The following DIS3L2 variants were observed in gnomAD, a reference collection of about 807,000 sequenced individuals.
DIS3L2 encodes the protein DIS3-like exonuclease 2.
In DIS3L2, 34 loss-of-function variants were observed where a neutral mutation model predicts 97.5. The observed-to-expected ratio is 0.35, with a 90% CI of 0.27 to 0.46. DIS3L2 has a LOEUF of 0.46. Among genes scored for constraint, DIS3L2 ranks in the 20% least tolerant of loss-of-function variants. The probability of loss-of-function intolerance (pLI) is 1.00; values close to 1 mark genes in which losing one functional copy is unlikely to be tolerated. For missense variants in DIS3L2, 1,038 were observed against 1,146.0 expected, an observed-to-expected ratio of 0.91 and a Z score of 1.36; for synonymous variants, 435 against 445.2, an observed-to-expected ratio of 0.98 and a Z score of 0.29.
At chr2:232,226,326 T>G (rs1692646680) in intron 10 of DIS3L2, among the ~76,000 whole-genome samples, 1 of 152,218 alleles carries the variant, frequency 6.6e-6, no homozygotes, top group African/African-American at 2.4e-5. Context: ...ACATTGTTAC[T>G]GGAGTCAGAC....
intron 1 of DIS3L2, among the ~76,000 whole-genome samples, chr2:231,998,001 T>A (rs1430567723): frequency 6.6e-6 from 1 of 152,234 alleles, no homozygotes; most frequent in Non-Finnish European, 1.5e-5. Context: ...GTCTTTAGTC[T>A]CCTTTAATTT....
chr2:232,250,237 G>T (rs984134693), intron 12 of DIS3L2, among the ~76,000 whole-genome samples: 2 of 152,120 alleles, frequency 1.3e-5, no homozygotes, highest in African/African-American at 2.4e-5. Flanking sequence ...AGTAAAAAAA[G>T]ATATTTAATT....
intron 10 of DIS3L2, among the ~76,000 whole-genome samples, chr2:232,210,990 A>T (rs1692173522): frequency 6.6e-6 from 1 of 152,104 alleles, no homozygotes. Context: ...GTTACTGAGC[A>T]GGTAAAAGTG....
At chr2:232,278,375 G>A (rs1476862113) in intron 13 of DIS3L2, among the ~76,000 whole-genome samples, 2 of 152,030 alleles carry the variant, frequency 1.3e-5, no homozygotes, top group Non-Finnish European at 2.9e-5. Flanking sequence ...AGTTCTGCAA[G>A]CTACACGTAT....
At chr2:232,038,975 A>G (rs1197743882) in intron 5 of DIS3L2, among the ~76,000 whole-genome samples, 1 of 152,206 alleles carries the variant, frequency 6.6e-6, no homozygotes, top group Non-Finnish European at 1.5e-5. Context: ...ACTAGCTCCT[A>G]CAGAGGGGCT....
At chr2:232,317,553 C>T (rs1348818208) in intron 14 of DIS3L2, among the ~76,000 whole-genome samples, 1 of 152,154 alleles carries the variant, frequency 6.6e-6, no homozygotes, top group Admixed American at 6.5e-5. Context: ...TCATGTGCCT[C>T]AGCCTCCCGG....
At chr2:232,282,348 C>A (rs947232347) in intron 13 of DIS3L2, among the ~76,000 whole-genome samples, 1 of 152,136 alleles carries the variant, frequency 6.6e-6, no homozygotes, top group Non-Finnish European at 1.5e-5. Flanking sequence ...CATCCCACCC[C>A]TGCTGGTGCC....
chr2:232,199,533 G>A (rs547411497), intron 9 of DIS3L2, among the ~76,000 whole-genome samples: 1 of 152,290 alleles, frequency 6.6e-6, no homozygotes, highest in African/African-American at 2.4e-5. Context: ...ATTTGGAGTA[G>A]GGTAACCTTC....
intron 12 of DIS3L2, among the ~76,000 whole-genome samples, chr2:232,256,677 G>A (rs1215799309): frequency 6.6e-6 from 1 of 152,298 alleles, no homozygotes; most frequent in East Asian, 1.9e-4. Context: ...AGAGAGGCTA[G>A]CCAACTTCAA....
intron 14 of DIS3L2, among the ~76,000 whole-genome samples, chr2:232,300,840 G>C (rs1236512955): frequency 6.6e-6 from 1 of 151,982 alleles, no homozygotes; most frequent in African/African-American, 2.4e-5. Flanking sequence ...TTTTAGTACA[G>C]ACAGGGTCTC....
At chr2:232,316,355 C>T (rs140955123) in intron 14 of DIS3L2, among the ~76,000 whole-genome samples, 8 of 152,150 alleles carry the variant, frequency 5.3e-5, no homozygotes, top group Non-Finnish European at 1.0e-4. Flanking sequence ...CAGTGTCATT[C>T]GCCTCCACAC....
intron 10 of DIS3L2, among the ~76,000 whole-genome samples, chr2:232,224,457 G>A (rs1015060031): frequency 5.9e-5 from 9 of 152,138 alleles, no homozygotes; most frequent in South Asian, 2.1e-4. Context: ...TTTTTTAAGT[G>A]GAGCACAAAA....
chr2:232,195,663 G>C (rs1197726975), intron 9 of DIS3L2, among the ~76,000 whole-genome samples: 1 of 151,990 alleles, frequency 6.6e-6, no homozygotes, highest in Non-Finnish European at 1.5e-5. Flanking sequence ...TGTTGCCTAG[G>C]CTGGTCTGGA....
intron 5 of DIS3L2, among the ~76,000 whole-genome samples, chr2:232,044,938 T>G (rs1640809215): frequency 6.6e-6 from 1 of 151,854 alleles, no homozygotes; most frequent in Non-Finnish European, 1.5e-5. Context: ...ACAAGTAGAG[T>G]TGTTATTTAT....
At chr2:232,214,660 GCTATCAGGGCCTACTCT>G (rs1243567783) in intron 10 of DIS3L2, among the ~76,000 whole-genome samples, 2 of 152,114 alleles carry the variant, frequency 1.3e-5, no homozygotes, top group Non-Finnish European at 2.9e-5. Flanking sequence ...CGCCTCCCTG[GCTATCAGGGCCTACTCT>G]CTCCTTGCCA....
chr2:232,329,787 C>CCCGGGGGCCG, intron 14 of DIS3L2, 26 bp from the exon 15 acceptor site: 1 of 1,062,210 alleles, frequency 9.4e-7, no homozygotes, highest in Non-Finnish European at 1.3e-6. Flanking sequence ...CCCAGCGGTC[C>CCCGGGGGCCG]CTCCCATCCC....
intron 12 of DIS3L2, chr2:232,260,594 G>A (rs1021397429): frequency 2.6e-5 from 4 of 152,224 alleles, no homozygotes; most frequent in African/African-American, 9.6e-5. Context: ...GAATAATATG[G>A]AAAGAATAGT....
intron 9 of DIS3L2, among the ~76,000 whole-genome samples, chr2:232,165,845 A>T (rs1690789448): frequency 6.6e-6 from 1 of 152,148 alleles, no homozygotes; most frequent in South Asian, 2.1e-4. Flanking sequence ...TTTTTAAAGT[A>T]ACTTGTATAA....
chr2:232,104,636 T>C (rs1257001460), intron 6 of DIS3L2, among the ~76,000 whole-genome samples: 2 of 152,176 alleles, frequency 1.3e-5, no homozygotes, highest in Non-Finnish European at 2.9e-5. Context: ...ATTTTCCTAT[T>C]CTAGAGATTT....
Sources: gnomAD v4.1 joint callset for allele counts (sites outside exome capture counted in the v4.1 genomes callset) on GRCh38, gnomAD v4.1.1 for gene constraint, MANE v1.5 for transcripts, NCBI Gene and HGNC (gene_info 2026-07-23, HGNC 2026-07-21) for gene names.